The following WDR48 variants were observed in gnomAD, a reference collection of about 807,000 sequenced individuals.
The protein encoded by WDR48 is WD repeat domain 48.
A neutral mutation model predicts 94.0 loss-of-function variants in WDR48; 22 were observed. The observed-to-expected ratio is 0.23, with a 90% confidence interval of 0.17 to 0.33. The LOEUF is 0.33. Ranked by LOEUF, WDR48 falls within the 10% of genes least tolerant of loss-of-function variation. The pLI, the probability that WDR48 is intolerant of heterozygous loss-of-function variation, is 1.00. For missense variants in WDR48, 541 were observed against 813.8 expected, an observed-to-expected ratio of 0.66 and a Z score of 4.08; for synonymous variants, 278 against 280.5, an observed-to-expected ratio of 0.99 and a Z score of 0.09.
In WDR48 at chr3:39,095,044, T is replaced by C. The variant is rs748802940; in HGVS notation, c.*301T>C. ...GCCAGTGCAGACTTTGCTTCCTCCT[T>C]TTGTTTCAAAGGACCTTATCTACCC... On this transcript the variant is annotated 3_prime_UTR_variant, in exon 19 of 19. Coordinates refer to ENST00000302313, the MANE Select transcript of WDR48 (RefSeq NM_020839.4). The C allele has an allele frequency of 3.7e-4, 148 of 400,854 alleles. 1 individual carries two copies. The highest frequency in any genetic ancestry group is 4.6e-4 in the Non-Finnish European group (102 of 222,868). 24.8% of individuals were successfully genotyped at this position (400,854 alleles called of 1,614,324 possible).
intron 18 of WDR48, 188 bp from the exon 19 acceptor site, chr3:39,094,459 CA>C: frequency 6.5e-7 from 1 of 1,533,476 alleles, no homozygotes; most frequent in East Asian, 2.4e-5. Flanking sequence ...GGCATAGTCA[CA>C]AAAGATGTAC....
At chr3:39,062,382 A>G (rs1440140358) in intron 1 of WDR48, among the ~76,000 whole-genome samples, 2 of 152,226 alleles carry the variant, frequency 1.3e-5, no homozygotes, top group African/African-American at 2.4e-5. Flanking sequence ...TGTTTTCACA[A>G]GGAACAGACA....
At chr3:39,072,262 C>A (rs896239923) in intron 7 of WDR48, among the ~76,000 whole-genome samples, 1 of 152,226 alleles carries the variant, frequency 6.6e-6, no homozygotes, top group African/African-American at 2.4e-5. Context: ...CATTATTGGG[C>A]AGAGCCACCT....
chr3:39,088,442 C>G (rs908299740), intron 15 of WDR48, among the ~76,000 whole-genome samples: 1 of 152,174 alleles, frequency 6.6e-6, no homozygotes, highest in Middle Eastern at 3.2e-3. Context: ...CTCTAGTGTT[C>G]GAATGAGGTA....
At chr3:39,094,329 T>C (rs1254946373) in intron 18 of WDR48, 4 of 1,424,340 alleles carry the variant, frequency 2.8e-6, no homozygotes, top group Non-Finnish European at 1.8e-6. Context: ...GCAAAAAGCA[T>C]GTGCCATGTT....
chr3:39,085,669 C>T, intron 14 of WDR48, 59 bp downstream of exon 14: 1 of 1,434,112 alleles, frequency 7.0e-7, no homozygotes, highest in Non-Finnish European at 9.7e-7. Flanking sequence ...TTAAAAGGTA[C>T]TTACTAAAAG....
intron 6 of WDR48, among the ~76,000 whole-genome samples, 158 bp from the exon 7 acceptor site, chr3:39,069,485 A>G (rs534713374): frequency 6.6e-6 from 1 of 152,354 alleles, no homozygotes; most frequent in South Asian, 2.1e-4. Context: ...TGAAAGGCCT[A>G]ATTCCCTGAG....
intron 1 of WDR48, among the ~76,000 whole-genome samples, chr3:39,055,244 T>C (rs1478107451): frequency 6.6e-6 from 1 of 152,168 alleles, no homozygotes; most frequent in African/African-American, 2.4e-5. Flanking sequence ...CCCAGCACTT[T>C]GGGAGGCCAA....
At chr3:39,061,707 C>G (rs142082674) in intron 1 of WDR48, among the ~76,000 whole-genome samples, 216 of 152,296 alleles carry the variant, frequency 1.4e-3, no homozygotes, top group African/African-American at 5.1e-3. Flanking sequence ...CTACTTTACA[C>G]TCCCACCAAC....
In WDR48 at chr3:39,084,764, T is replaced by G. The variant is rs780392163; in HGVS notation, c.1378+23T>G. ...AATGTGAGTTTAAGTGTCCTTCATT[T>G]TTTTCCTCCCTTCTAAAGAGAAGAT... is the stretch of plus-strand genomic sequence containing the variant. On this transcript the variant is annotated intron_variant, in intron 13 of 18. Transcript: ENST00000302313. 209 of 1,599,498 alleles carry G rather than the reference T, an allele frequency of 1.3e-4. 1 individual carries two copies. In the Admixed American group the frequency reaches 3.6e-3, roughly 27 times the overall value.
chr3:39,092,907 A>AC (rs1553665093), intron 17 of WDR48, among the ~76,000 whole-genome samples: 2 of 151,330 alleles, frequency 1.3e-5, no homozygotes, highest in African/African-American at 4.9e-5. Flanking sequence ...ACACACACAC[A>AC]ATTATTTTAA....
intron 7 of WDR48, among the ~76,000 whole-genome samples, chr3:39,074,366 G>A (rs974556387): frequency 1.3e-5 from 2 of 152,146 alleles, no homozygotes; most frequent in Non-Finnish European, 2.9e-5. Context: ...TAGACTAAAT[G>A]TAAAATTACC....
intron 8 of WDR48, among the ~76,000 whole-genome samples, chr3:39,076,911 A>G (rs563382932): frequency 6.6e-6 from 1 of 152,292 alleles, no homozygotes; most frequent in Admixed American, 6.5e-5. Flanking sequence ...ATTATTGGCC[A>G]CTGTTTTAGG....
chr3:39,061,856 A>G (rs1250492439), intron 1 of WDR48, among the ~76,000 whole-genome samples: 6 of 135,012 alleles, frequency 4.4e-5, no homozygotes, highest in Non-Finnish European at 7.6e-5. Flanking sequence ...GCCAGTGATG[A>G]TGAGCATTTT....
In WDR48 at chr3:39,084,213, T is replaced by G. The variant is rs1179138039; in HGVS notation, c.1232T>G (p.Phe411Cys). 1 of 1,612,660 alleles carries G rather than the reference T, an allele frequency of 6.2e-7. No individual in the cohort carries two copies. Among genetic ancestry groups the G allele is most frequent in the African/African-American group, 1.3e-5 (1 of 74,892 alleles). ...VDFEDEIKKRFKMVYVPNWFS... is the reference protein window; with the variant it reads ...VDFEDEIKKRCKMVYVPNWFS... ...TTTGAAGATGAAATTAAGAAAAGAT[T>G]TAAAATGGTGTATGTGCCAAATTGG... Residue 411 changes from phenylalanine (F) to cysteine (C), a missense_variant, in exon 12 of 19, where the codon TTT becomes TGT. This residue lies in a region of WDR48 where 238 missense variants were observed against 285.3 expected (regional missense o/e 0.83). Transcript: ENST00000302313.
At chr3:39,059,349 G>A (rs2033113717) in intron 1 of WDR48, among the ~76,000 whole-genome samples, 1 of 152,192 alleles carries the variant, frequency 6.6e-6, no homozygotes, top group Admixed American at 6.5e-5. Flanking sequence ...TGTGTTTACG[G>A]TAACAGAAAG....
intron 12 of WDR48, 89 bp from the exon 13 acceptor site, chr3:39,084,556 T>C (rs2034707864): frequency 2.6e-6 from 3 of 1,172,660 alleles, no homozygotes; most frequent in Admixed American, 2.5e-5. Flanking sequence ...CTTAGCACTT[T>C]AGTCAAATAG....
At chr3:39,094,089 GC>G (rs2035220205) in intron 18 of WDR48, 23 bp downstream of exon 18, 2 of 1,594,870 alleles carry the variant, frequency 1.3e-6, no homozygotes, top group African/African-American at 2.7e-5. Flanking sequence ...GAGGACTACA[GC>G]CCCAATTTTT....
At chr3:39,059,680 C>G (rs1378807682) in intron 1 of WDR48, among the ~76,000 whole-genome samples, 1 of 152,108 alleles carries the variant, frequency 6.6e-6, no homozygotes, top group Non-Finnish European at 1.5e-5. Flanking sequence ...AAAACAACAT[C>G]CTTGTAGCTA....
Sources: gnomAD v4.1 joint callset for allele counts (sites outside exome capture counted in the v4.1 genomes callset) on GRCh38, gnomAD v4.1.1 for gene constraint, gnomAD v4.1.1 regional missense constraint, MANE v1.5 for transcripts, NCBI Gene and HGNC (gene_info 2026-07-23, HGNC 2026-07-21) for gene names.